The following GABRR3 variants were observed in gnomAD, a reference collection of about 807,000 sequenced individuals.
GABRR3 encodes gamma-aminobutyric acid receptor subunit rho-3.
A neutral mutation model predicts 43.2 loss-of-function variants in GABRR3; 29 were observed. The ratio of observed to expected loss-of-function variants is 0.67; its 90% CI spans 0.50 to 0.92. The LOEUF (loss-of-function observed/expected upper bound fraction) is 0.92, where lower values mean the gene tolerates loss of function less well. Among genes scored for constraint, GABRR3 ranks in the 40% least tolerant of loss-of-function variants. The pLI, the probability that GABRR3 is intolerant of heterozygous loss-of-function variation, is 0.00. For synonymous variants in GABRR3, 206 were observed against 195.9 expected (o/e 1.05, Z -0.43); for missense variants, 576 against 572.3 (o/e 1.01, Z -0.07).
intron 2 of GABRR3, among the ~76,000 whole-genome samples, chr3:98,027,849 C>T (rs1465691119): frequency 6.6e-6 from 1 of 151,914 alleles, no homozygotes; most frequent in Non-Finnish European, 1.5e-5. Flanking sequence ...CATATTGTTC[C>T]TTTAAGTGTA....
At chr3:97,996,244 T>C in intron 8 of GABRR3, among the ~76,000 whole-genome samples, 1 of 152,090 alleles carries the variant, frequency 6.6e-6, no homozygotes, top group East Asian at 1.9e-4. Context: ...AGTAAAAATA[T>C]TTTTCATATA....
At chr3:98,033,918 T>C (rs1445332023) in intron 2 of GABRR3, among the ~76,000 whole-genome samples, 1 of 152,158 alleles carries the variant, frequency 6.6e-6, no homozygotes, top group East Asian at 1.9e-4. Context: ...GTTTTGGTCA[T>C]TAAACCTGAG....
chr3:98,007,356 G>A (rs1706734017), intron 7 of GABRR3, among the ~76,000 whole-genome samples: 2 of 152,112 alleles, frequency 1.3e-5, no homozygotes, highest in Non-Finnish European at 2.9e-5. Flanking sequence ...CCAGTGTCGG[G>A]AGAGTAGCAG....
At chr3:97,998,964 C>T (rs1026132450) in intron 8 of GABRR3, 4 of 152,214 alleles carry the variant, frequency 2.6e-5, no homozygotes, top group East Asian at 1.9e-4. Flanking sequence ...CAAAAGCTCT[C>T]TAGTGTCCTC....
In GABRR3 at chr3:97,986,701, G is replaced by C; in HGVS notation, c.1386C>G (p.Tyr462Ter). ...TTCCCCTTCATACATATACACCCCA[G>C]TAAAACAAATTAAATAAAATATACA... is the stretch of plus-strand genomic sequence containing the variant. Residue 462 changes from tyrosine (Y) to a stop codon, truncating the protein, a stop_gained, in exon 10 of 10, where the codon TAC becomes TAG. Coordinates refer to ENST00000621172, the Ensembl canonical transcript of GABRR3. LOFTEE classifies it high-confidence loss of function. 1 of 1,552,840 alleles carries C rather than the reference G, an allele frequency of 6.4e-7. No individual in the cohort carries two copies. The highest frequency in any genetic ancestry group is 8.7e-7 in the Non-Finnish European group (1 of 1,143,298).
rs566638703 is a variant in GABRR3 at position 98,008,754 on chromosome 3, CT to C, written c.613+201del. ...AAACACTTTTCCCCTGAACCTTCTC[CT>C]TTAACAGACAAACTGCCATCAACCT... On this transcript the variant is annotated intron_variant, in intron 6 of 9. Coordinates refer to ENST00000621172, the Ensembl canonical transcript of GABRR3. Among the ~76,000 whole-genome samples the C allele has an allele frequency of 7.9e-3, 1,166 of 148,318 alleles. 11 individuals are homozygous for C. Among genetic ancestry groups the C allele is most frequent in the African/African-American group, 0.028 (1,118 of 39,768 alleles).
At chr3:97,997,047 T>C (rs760346793) in intron 8 of GABRR3, among the ~76,000 whole-genome samples, 10 of 152,166 alleles carry the variant, frequency 6.6e-5, no homozygotes, top group Non-Finnish European at 1.5e-4. Flanking sequence ...ATGGTAATAG[T>C]GGTCCTAGTC....
chr3:98,033,370 T>C (rs543224749), intron 2 of GABRR3, among the ~76,000 whole-genome samples: 4 of 152,300 alleles, frequency 2.6e-5, no homozygotes, highest in Admixed American at 2.6e-4. Context: ...CTAAAATTCT[T>C]CTTTTCCTTT....
chr3:98,010,206 A>T (rs1158187154), intron 5 of GABRR3, among the ~76,000 whole-genome samples: 1 of 152,244 alleles, frequency 6.6e-6, no homozygotes, highest in Admixed American at 6.5e-5. Context: ...GAAAGGACAC[A>T]GATGAAAATC....
At chr3:97,999,215 A>C (rs1706600697) in intron 8 of GABRR3, 2 of 152,168 alleles carry the variant, frequency 1.3e-5, no homozygotes, top group South Asian at 2.1e-4. Flanking sequence ...CCGTGATGTA[A>C]GGGTTTGTCA....
intron 7 of GABRR3, among the ~76,000 whole-genome samples, chr3:98,005,609 A>G (rs1706714788): frequency 6.6e-6 from 1 of 152,164 alleles, no homozygotes; most frequent in Non-Finnish European, 1.5e-5. Flanking sequence ...AAAGATATAA[A>G]TCAGCTAGTG....
chr3:98,030,966 G>A (rs990301188), intron 2 of GABRR3, among the ~76,000 whole-genome samples: 1 of 152,170 alleles, frequency 6.6e-6, no homozygotes, highest in Non-Finnish European at 1.5e-5. Context: ...TTTTCATCAC[G>A]AAGAAAACCT....
At chr3:97,988,185 T>C (rs1451822254) in intron 9 of GABRR3, among the ~76,000 whole-genome samples, 2 of 151,898 alleles carry the variant, frequency 1.3e-5, no homozygotes, top group African/African-American at 4.8e-5. Flanking sequence ...GAAGGTACCA[T>C]CACTGTCGGG....
intron 9 of GABRR3, among the ~76,000 whole-genome samples, chr3:97,991,448 C>T (rs1249454531): frequency 6.6e-6 from 1 of 152,192 alleles, no homozygotes; most frequent in Non-Finnish European, 1.5e-5. Context: ...TCCTGGTTTC[C>T]TTACACGTGC....
chr3:97,990,027 A>C (rs1241768909), intron 9 of GABRR3, among the ~76,000 whole-genome samples: 3 of 152,160 alleles, frequency 2.0e-5, no homozygotes, highest in African/African-American at 7.2e-5. Flanking sequence ...CATTTCTTCT[A>C]TCCGGCCTCT....
intron 8 of GABRR3, among the ~76,000 whole-genome samples, chr3:97,996,888 C>T (rs1401399564): frequency 1.3e-5 from 2 of 152,142 alleles, no homozygotes; most frequent in Non-Finnish European, 2.9e-5. Flanking sequence ...AGGGTCTTCA[C>T]CAGCAAATGA....
chr3:97,999,631 A>G (rs1377374260), intron 8 of GABRR3: 1 of 152,168 alleles, frequency 6.6e-6, no homozygotes, highest in Admixed American at 6.6e-5. Context: ...TTGGGAGTAG[A>G]AAAAAACTAG....
intron 2 of GABRR3, among the ~76,000 whole-genome samples, chr3:98,030,064 G>C (rs370494105): frequency 6.6e-6 from 1 of 150,958 alleles, no homozygotes; most frequent in Non-Finnish European, 1.5e-5. Context: ...GCAGTGAGCC[G>C]AGATCGTGTC....
intron 8 of GABRR3, chr3:97,998,127 A>G (rs1229214930): frequency 6.6e-6 from 1 of 152,180 alleles, no homozygotes; most frequent in African/African-American, 2.4e-5. Context: ...AAAATTTCAT[A>G]TATGAAAGTG....
Sources: allele counts gnomAD v4.1 joint callset (sites outside exome capture counted in the v4.1 genomes callset), GRCh38; gene constraint gnomAD v4.1.1; transcripts MANE v1.5; gene names NCBI Gene and HGNC (gene_info 2026-07-23, HGNC 2026-07-21).